The following GYS2 variants were observed in gnomAD, a reference collection of about 807,000 sequenced individuals.
GYS2 encodes the protein glycogen [starch] synthase, liver.
In GYS2, 80 loss-of-function variants were observed where a neutral mutation model predicts 85.6. The observed-to-expected ratio is 0.93, with a 90% CI of 0.78 to 1.13. The LOEUF (loss-of-function observed/expected upper bound fraction) is 1.13, where lower values mean the gene tolerates loss of function less well. Ranked by LOEUF, GYS2 falls within the 50% of genes most tolerant of loss-of-function variation. The pLI is 0.00. For missense variants in GYS2, 881 were observed against 854.9 expected, an observed-to-expected ratio of 1.03 and a Z score of -0.38; for synonymous variants, 328 against 300.7, an observed-to-expected ratio of 1.09 and a Z score of -0.94.
chr12:21,560,603 G>T (rs927308490), intron 7 of GYS2, 111 bp from the exon 8 acceptor site: 3 of 712,302 alleles, frequency 4.2e-6, no homozygotes, highest in Non-Finnish European at 7.7e-6. Flanking sequence ...TAGATAAAAG[G>T]TATAGTTATT....
intron 14 of GYS2, among the ~76,000 whole-genome samples, chr12:21,540,177 A>G (rs528365235): frequency 1.2e-4 from 19 of 152,350 alleles, no homozygotes; most frequent in Non-Finnish European, 2.5e-4. Flanking sequence ...AATAGCTAGT[A>G]AGATCAGTGC....
intron 1 of GYS2, among the ~76,000 whole-genome samples, chr12:21,583,234 A>AG (rs757225186): frequency 2.1e-4 from 32 of 152,216 alleles, no homozygotes; most frequent in Non-Finnish European, 3.5e-4. Flanking sequence ...GATTAAATTC[A>AG]GGGACCTTCT....
intron 4 of GYS2, among the ~76,000 whole-genome samples, chr12:21,569,955 C>G (rs999116752): frequency 2.0e-5 from 3 of 152,098 alleles, no homozygotes; most frequent in Non-Finnish European, 4.4e-5. Flanking sequence ...CTTGGTAGAA[C>G]CCTAATTTGA....
intron 1 of GYS2, among the ~76,000 whole-genome samples, chr12:21,591,373 C>T (rs925845535): frequency 6.6e-6 from 1 of 151,408 alleles, no homozygotes; most frequent in Non-Finnish European, 1.5e-5. Context: ...AAAACTTCAA[C>T]AATAGATCAG....
chr12:21,593,444 G>A (rs553396641), intron 1 of GYS2, among the ~76,000 whole-genome samples: 13 of 151,564 alleles, frequency 8.6e-5, no homozygotes, highest in Non-Finnish European at 1.6e-4. Context: ...TATTACAACC[G>A]ATACCACAGA....
intron 13 of GYS2, among the ~76,000 whole-genome samples, chr12:21,541,285 AAAAAAAC>A (rs1458114774): frequency 6.5e-5 from 9 of 137,610 alleles, no homozygotes; most frequent in Admixed American, 5.0e-4. Flanking sequence ...AAAAAAAAAA[AAAAAAAC>A]AAAAAACCCA....
chr12:21,575,325 A>G (rs1439104795), intron 3 of GYS2, among the ~76,000 whole-genome samples: 9 of 152,194 alleles, frequency 5.9e-5, no homozygotes, highest in Admixed American at 5.9e-4. Flanking sequence ...GAGACAACTT[A>G]TTTTGTTTGC....
At chr12:21,554,029 T>C (rs1436839613) in intron 11 of GYS2, among the ~76,000 whole-genome samples, 1 of 152,218 alleles carries the variant, frequency 6.6e-6, no homozygotes, top group Non-Finnish European at 1.5e-5. Context: ...GTGCTGCTGC[T>C]GTGTGTATAT....
intron 11 of GYS2, among the ~76,000 whole-genome samples, chr12:21,557,791 C>T (rs1018942985): frequency 5.3e-5 from 8 of 151,832 alleles, no homozygotes; most frequent in Non-Finnish European, 1.2e-4. Context: ...CCCAGCTACT[C>T]GGGAGGCTGA....
intron 11 of GYS2, among the ~76,000 whole-genome samples, chr12:21,554,645 C>A (rs576723429): frequency 1.6e-4 from 24 of 152,218 alleles, no homozygotes; most frequent in South Asian, 1.0e-3. Context: ...AGGAAACAAC[C>A]GTTCCTGTCT....
In GYS2 at chr12:21,545,982, T is replaced by A. The variant is rs146010095; in HGVS notation, c.1549+362A>T. Among the ~76,000 whole-genome samples the A allele has an allele frequency of 4.1e-3, 628 of 152,326 alleles. 5 individuals carry two copies. The highest frequency in any genetic ancestry group is 0.014 in the African/African-American group (584 of 41,586). On this transcript the variant is annotated intron_variant, in intron 12 of 15. Transcript: ENST00000261195. ...ATTGCTAGACTATTATTTATTATAT[T>A]AATCCTACTTACAGTCAATTTCTCC...
At position 21,559,110 on chromosome 12, in the gene GYS2, C is replaced by A. The variant is rs765374211; in HGVS notation, c.1289G>T (p.Arg430Ile). Residue 430 changes from arginine to isoleucine, a missense_variant, in exon 10 of 16, where the codon AGA becomes ATA. Arg to Ile is a moderately conservative substitution (Grantham distance 97, BLOSUM62 -3). Transcript: ENST00000261195. ...TATTACCTGAGTTGAAAAGATGGCT[C>A]TTTTCATAATTGTTAGATCATCTCG... ...LDRDDLTIMK[R>I]AIFSTQRQSL... 1 of 1,605,088 alleles carries A rather than the reference C, an allele frequency of 6.2e-7. No individual in the cohort carries two copies. The highest frequency in any genetic ancestry group is 8.5e-7 in the Non-Finnish European group (1 of 1,172,614).
chr12:21,545,003 C>T (rs768815521), intron 12 of GYS2, among the ~76,000 whole-genome samples: 1 of 152,178 alleles, frequency 6.6e-6, no homozygotes, highest in African/African-American at 2.4e-5. Flanking sequence ...AATTCTTCCT[C>T]TTCATAATTC....
Position 21,546,466 on chromosome 12 carries a change from A to G in GYS2, c.1427T>C (p.Ile476Thr), listed in dbSNP as rs863224039. 11 of 1,594,600 alleles carry G rather than the reference A, an allele frequency of 6.9e-6. No individual in the cohort carries two copies. The South Asian group carries it at 9.0e-5, about 13-fold the overall frequency. The change falls in exon 12 of 16, where the codon ATT becomes ACT. Residue 476 changes from isoleucine (I) to threonine (T), a missense_variant. Coordinates refer to ENST00000261195, the MANE Select transcript of GYS2 (RefSeq NM_021957.4). Reference protein sequence around the residue: ...FNNRTDRVKVILHPEFLSSTS... With the variant: ...FNNRTDRVKVTLHPEFLSSTS... ...GGAGGATAGAAACTCTGGGTGCAAA[A>G]TCACCTAAAAAAGGAAAATTCTAAT...
intron 11 of GYS2, among the ~76,000 whole-genome samples, chr12:21,548,797 C>A (rs1183815739): frequency 6.6e-6 from 1 of 152,094 alleles, no homozygotes; most frequent in Non-Finnish European, 1.5e-5. Context: ...TTAATTTGCA[C>A]AATGTGCTAT....
intron 1 of GYS2, among the ~76,000 whole-genome samples, chr12:21,584,291 T>C (rs913222536): frequency 6.6e-6 from 1 of 150,680 alleles, no homozygotes; most frequent in Non-Finnish European, 1.5e-5. Context: ...GGAAAATTGA[T>C]GACAAAGAAA....
At chr12:21,542,657 G>A (rs1387648760) in intron 12 of GYS2, 66 bp from the exon 13 acceptor site, 4 of 981,706 alleles carry the variant, frequency 4.1e-6, no homozygotes, top group Non-Finnish European at 6.6e-6. Flanking sequence ...TGCACTCAGA[G>A]GAGGAAAAGG....
At chr12:21,602,395 A>G (rs2136939963) in intron 1 of GYS2, among the ~76,000 whole-genome samples, 1 of 152,184 alleles carries the variant, frequency 6.6e-6, no homozygotes, top group Non-Finnish European at 1.5e-5. Context: ...CATGATCTCT[A>G]AGATACCTCA....
intron 2 of GYS2, among the ~76,000 whole-genome samples, chr12:21,577,001 A>T (rs986466257): frequency 1.2e-4 from 18 of 151,972 alleles, no homozygotes; most frequent in Admixed American, 1.1e-3. Flanking sequence ...GACACTTATG[A>T]CTCCACCTAT....
Sources: gnomAD v4.1 joint callset for allele counts (sites outside exome capture counted in the v4.1 genomes callset) on GRCh38, gnomAD v4.1.1 for gene constraint, MANE v1.5 for transcripts, NCBI Gene and HGNC (gene_info 2026-07-23, HGNC 2026-07-21) for gene names.